The following HYDIN variants were observed in gnomAD, a reference collection of about 807,000 sequenced individuals.
The protein encoded by HYDIN is axonemal central pair apparatus protein HYDIN.
Under a neutral mutation model 403.9 loss-of-function variants are expected in HYDIN, and 132 were observed. The ratio of observed to expected loss-of-function variants is 0.33; its 90% CI spans 0.28 to 0.38. The LOEUF (loss-of-function observed/expected upper bound fraction) is 0.38, where lower values mean the gene tolerates loss of function less well. HYDIN is among the 10% of genes least tolerant of loss of function. The pLI is 1.00. For synonymous variants in HYDIN, 1,202 were observed against 1,891.7 expected (o/e 0.64, Z 9.46); for missense variants, 2,827 against 5,009.5 (o/e 0.56, Z 13.15).
intron 10 of HYDIN, among the ~76,000 whole-genome samples, chr16:71,098,640 G>A (rs1422218696): frequency 2.1e-5 from 3 of 146,096 alleles, no homozygotes; most frequent in African/African-American, 5.1e-5. Flanking sequence ...GGCAAAGAAA[G>A]AGAATTGCAA....
chr16:71,159,731 G>A (rs1424009290), intron 6 of HYDIN, among the ~76,000 whole-genome samples: 1 of 150,114 alleles, frequency 6.7e-6, no homozygotes, highest in African/African-American at 2.5e-5. Context: ...TTAGAAAAAT[G>A]TAAGTCAAAG....
intron 18 of HYDIN, among the ~76,000 whole-genome samples, chr16:71,055,946 C>T (rs1213694526): frequency 6.6e-6 from 1 of 152,108 alleles, no homozygotes; most frequent in African/African-American, 2.4e-5. Flanking sequence ...AGGCATCTGT[C>T]CTCCAGCCCA....
In HYDIN at chr16:70,882,908, G is replaced by C. The variant is rs1237223930; in HGVS notation, c.9980-13C>G. ...TCGGTCACGAAGGCTGGGGAGTGAA[G>C]GGGAGACCATGAGATGCTGCCTGAT... On this transcript the variant is annotated splice_polypyrimidine_tract_variant and intron_variant, in intron 59 of 85. Coordinates refer to ENST00000393567, the MANE Select transcript of HYDIN (RefSeq NM_001270974.2). 10 of 1,585,238 alleles carry C rather than the reference G, an allele frequency of 6.3e-6. No individual in the cohort carries two copies. The highest frequency in any genetic ancestry group is 5.2e-6 in the Non-Finnish European group (6 of 1,153,950).
intron 40 of HYDIN, among the ~76,000 whole-genome samples, chr16:70,954,452 CAAAAAAAAAAA>C (rs56235375): frequency 1.5e-5 from 1 of 65,832 alleles, no homozygotes; most frequent in Non-Finnish European, 3.1e-5. Context: ...TACCTTGTCT[CAAAAAAAAAAA>C]AAAAAAAAGA....
At position 70,961,819 on chromosome 16, in the gene HYDIN, G is replaced by A. The variant is rs567312573; in HGVS notation, c.5968+140C>T. 228 of 554,522 alleles carry A rather than the reference G, an allele frequency of 4.1e-4. 3 individuals carry two copies. In the South Asian group the frequency reaches 5.8e-3, roughly 14 times the overall value. The allele number at this position is 554,522 out of a possible 1,614,324, so 34.4% of individuals were successfully genotyped here. ...GTGAGTGGCAGATCAGAGCTTCTCC[G>A]GAGGGCAGCTGTGGTGGGCAGGGCA... On this transcript the variant is annotated intron_variant, in intron 38 of 85. Coordinates refer to ENST00000393567, the MANE Select transcript of HYDIN (RefSeq NM_001270974.2).
At chr16:70,958,525 C>A (rs1237563065) in intron 39 of HYDIN, among the ~76,000 whole-genome samples, 1 of 151,214 alleles carries the variant, frequency 6.6e-6, no homozygotes, top group Non-Finnish European at 1.5e-5. Context: ...CCTTTTAGTG[C>A]AACACTAAAA....
chr16:70,832,751 G>A (rs1221658170), intron 80 of HYDIN, 97 bp downstream of exon 80: 3 of 880,356 alleles, frequency 3.4e-6, no homozygotes, highest in African/African-American at 3.3e-5. Flanking sequence ...GCCTCGTGGA[G>A]GGAGGGGGCA....
chr16:70,807,630 T>C lies in HYDIN; in HGVS notation c.15316A>G (p.Ser5106Gly), dbSNP rs1460739857. 3 of 1,614,108 alleles carry C rather than the reference T, an allele frequency of 1.9e-6. No individual in the cohort carries two copies. The South Asian group carries it at 3.3e-5, about 18-fold the overall frequency. ...TAAACCCATTTAACTCCAGTCTCACTCCCTTCACCAGGAGGGCAGCTCACA... is the reference window on the plus strand; with the variant it reads ...TAAACCCATTTAACTCCAGTCTCACCCCCTTCACCAGGAGGGCAGCTCACA... The part of the protein sequence containing the change: ...LTVSCPPGEG[S>G]ETGVKWVYYL... The change falls in exon 86 of 86, where the codon AGT (serine) becomes GGT (glycine). Residue 5106 changes from serine (S) to glycine (G), a missense_variant. Physicochemically the swap from Ser to Gly is moderately conservative, Grantham distance 56. Transcript: ENST00000393567.
intron 60 of HYDIN, among the ~76,000 whole-genome samples, chr16:70,881,856 G>T (rs113949568): frequency 3.3e-5 from 5 of 152,342 alleles, no homozygotes; most frequent in African/African-American, 1.2e-4. Flanking sequence ...TTCAGGCAGA[G>T]AACTGAAGCA....
chr16:71,113,929 G>A (rs1032810098), intron 10 of HYDIN: 2 of 151,440 alleles, frequency 1.3e-5, no homozygotes, highest in Non-Finnish European at 2.9e-5. Context: ...TTACAGGCTG[G>A]TCATTTTATT....
rs988418260 is a variant in HYDIN, at chr16:71,027,487, C to T, written c.3042+115G>A. ...ATGGTAACTCAGGATTGTACACAAT[C>T]CTTGAGAAACCATATCCTTCCTCAG... is the stretch of plus-strand genomic sequence containing the variant. On this transcript the variant is annotated intron_variant, in intron 20 of 85. Transcript: ENST00000393567. The T allele has an allele frequency of 2.6e-6, 4 of 1,541,192 alleles. No homozygotes were observed. In the African/African-American group the frequency reaches 4.2e-5, roughly 16 times the overall value.
At chr16:71,230,060 C>A (rs1238830908) in intron 1 of HYDIN, among the ~76,000 whole-genome samples, 2 of 152,208 alleles carry the variant, frequency 1.3e-5, no homozygotes, top group African/African-American at 2.4e-5. Context: ...TTTGCTCCTC[C>A]TTTGCCTTCC....
At chr16:71,162,804 G>A (rs1458682920) in intron 5 of HYDIN, 74 bp from the exon 6 acceptor site, 16 of 586,640 alleles carry the variant, frequency 2.7e-5, no homozygotes, top group South Asian at 8.3e-5. Flanking sequence ...GAAAAGGGTC[G>A]ATGAGAGGCA....
In HYDIN at chr16:70,889,607, C is replaced by A. The variant is rs1343044241; in HGVS notation, c.9754G>T (p.Glu3252Ter). Reference protein sequence around the residue: ...AAKFSDTIQKEVTTTGQARFA... With the variant: ...AAKFSDTIQK ...CGCACCTGGCCTGTGGTGGTTACTTCTTTCTGAATCGTGTCAGAGAACTTG... is the reference window on the plus strand; with the variant it reads ...CGCACCTGGCCTGTGGTGGTTACTTATTTCTGAATCGTGTCAGAGAACTTG... Residue 3252 changes from glutamate (E) to a stop codon, truncating the protein, a stop_gained, in exon 58 of 86, where the codon GAA becomes TAA. Transcript: ENST00000393567. LOFTEE classifies it high-confidence loss of function. 4.9e-6 allele frequency: 3 copies of A among 607,962 alleles called. No individual in the cohort carries two copies. Among genetic ancestry groups the A allele is most frequent in the Non-Finnish European group, 2.8e-6 (1 of 354,246 alleles). 37.7% of individuals were successfully genotyped at this position (607,962 alleles called of 1,614,324 possible). A position where few individuals can be genotyped will look rare whatever the true frequency, so the allele number is the denominator to read the frequency against.
At chr16:70,941,526 C>T (rs2077672483) in intron 43 of HYDIN, 110 bp downstream of exon 43, 2 of 819,324 alleles carry the variant, frequency 2.4e-6, no homozygotes, top group South Asian at 5.6e-5. Context: ...TCCCTCCTAG[C>T]AAAGCAGAAA....
intron 75 of HYDIN, among the ~76,000 whole-genome samples, chr16:70,849,262 GAATA>G (rs1460908997): frequency 2.0e-5 from 3 of 151,886 alleles, no homozygotes; most frequent in African/African-American, 7.3e-5. Context: ...CATTTTTCTT[GAATA>G]AATACTCCGA....
At chr16:71,018,736 G>A (rs745795087) in intron 22 of HYDIN, among the ~76,000 whole-genome samples, 2 of 152,288 alleles carry the variant, frequency 1.3e-5, no homozygotes, top group Non-Finnish European at 2.9e-5. Context: ...TTTAAAGGAA[G>A]AGATTTTGAT....
At chr16:70,888,186 C>A (rs1319068548) in intron 58 of HYDIN, among the ~76,000 whole-genome samples, 6 of 152,232 alleles carry the variant, frequency 3.9e-5, no homozygotes, top group African/African-American at 1.4e-4. Context: ...AATTCTAACA[C>A]CTCTCTCATC....
rs568322574 is a variant in HYDIN at position 71,073,954 on chromosome 16, A to G, written c.1739-4452T>C. On this transcript the variant is annotated intron_variant, in intron 13 of 85. Coordinates refer to ENST00000393567, the MANE Select transcript of HYDIN (RefSeq NM_001270974.2). ...TATAGCCATAGAAATTTTAGAAACC[A>G]ACATATAGTACTATTACCCACCACC... 1.6e-4 allele frequency among the ~76,000 whole-genome samples: 24 copies of G among 152,332 alleles called. No homozygotes were observed. The South Asian group carries it at 4.8e-3, about 30-fold the overall frequency.
Sources: gnomAD v4.1 joint callset for allele counts (sites outside exome capture counted in the v4.1 genomes callset) on GRCh38, gnomAD v4.1.1 for gene constraint, MANE v1.5 for transcripts, NCBI Gene and HGNC (gene_info 2026-07-23, HGNC 2026-07-21) for gene names.